CDK11A: variants seen among roughly 807,000 people sequenced by gnomAD.
The protein encoded by CDK11A is cyclin-dependent kinase 11A.
CDK11A carries 55 observed loss-of-function variants against 83.6 expected under a neutral mutation model. That is an observed-to-expected ratio of 0.66 (90% CI 0.53 to 0.82). CDK11A has a LOEUF of 0.82. Ranked by LOEUF, CDK11A falls within the 40% of genes least tolerant of loss-of-function variation. The pLI, the probability that CDK11A is intolerant of heterozygous loss-of-function variation, is 0.00. For synonymous variants in CDK11A, 247 were observed against 302.7 expected (o/e 0.82, Z 1.91); for missense variants, 564 against 810.1 (o/e 0.70, Z 3.69).
intron 3 of CDK11A, among the ~76,000 whole-genome samples, chr1:1,721,358 C>T (rs1317757193): frequency 6.6e-6 from 1 of 150,904 alleles, no homozygotes; most frequent in Non-Finnish European, 1.5e-5. Context: ...CACCCCGTCA[C>T]AGTAGCCCTA....
intron 1 of CDK11A, 95 bp downstream of exon 1, chr1:1,724,163 C>G (rs1166689673): frequency 6.6e-6 from 1 of 150,458 alleles, no homozygotes; most frequent in East Asian, 1.9e-4. Context: ...CCCCCGGGCC[C>G]GGGTCCGCCC....
intron 3 of CDK11A, among the ~76,000 whole-genome samples, chr1:1,721,194 T>A (rs1432833644): frequency 2.1e-5 from 1 of 47,960 alleles, no homozygotes; most frequent in Non-Finnish European, 9.6e-5. Context: ...TGAGACACCG[T>A]CTCAAAAAAA....
In CDK11A at chr1:1,707,515, G is replaced by A. The variant is rs538694157; in HGVS notation, c.1139C>T (p.Thr380Met). 22 of 1,603,348 alleles carry A rather than the reference G, an allele frequency of 1.4e-5. 1 individual carries two copies. The highest frequency in any genetic ancestry group is 6.7e-5 in the South Asian group (6 of 90,208). Residue 380 changes from threonine (T) to methionine (M), a missense_variant, in exon 11 of 20, where the codon ACG becomes ATG. Thr to Met is a moderately conservative substitution (Grantham distance 81, BLOSUM62 -1). Around this residue, in one of 5 missense-constraint regions of CDK11A, gnomAD observed 21 missense variants for 66.1 expected, o/e 0.32. Coordinates refer to ENST00000404249, the MANE Select transcript of CDK11A (RefSeq NM_024011.4). Reference sequence around the variant, plus strand: ...CTCTGTCAGGGCGCTGCTCTGCGGCGTTCCCTCACCCACTTCTTCCTCTGC... The same window carrying A: ...CTCTGTCAGGGCGCTGCTCTGCGGCATTCCCTCACCCACTTCTTCCTCTGC... ...EEAEEEVGEG[T>M]PQSSALTEGD...
intron 14 of CDK11A, 60 bp downstream of exon 14, chr1:1,704,490 G>T: frequency 6.4e-7 from 1 of 1,571,716 alleles, no homozygotes; most frequent in Non-Finnish European, 8.6e-7. Context: ...TGTCACCGCG[G>T]GGGTGACCAG....
chr1:1,716,008 C>T (rs1185023019), intron 5 of CDK11A, among the ~76,000 whole-genome samples: 5 of 150,832 alleles, frequency 3.3e-5, no homozygotes, highest in South Asian at 2.1e-4. Flanking sequence ...CTTACTGCAG[C>T]CTTGACCTCC....
rs1419856197 is a variant in CDK11A, at chr1:1,704,928, C to G, written c.1434G>C (p.Gln478His). The G allele has an allele frequency of 6.3e-7, 1 of 1,595,168 alleles. No homozygotes were observed. The highest frequency in any genetic ancestry group is 1.4e-5 in the African/African-American group (1 of 69,272). ...CTCTAACGGTGACAATGTTGGGATGCTGGGCCTTGAGGATGGTGTTGATCT... is the reference window on the plus strand; with the variant it reads ...CTCTAACGGTGACAATGTTGGGATGGTGGGCCTTGAGGATGGTGTTGATCT... ...LREINTILKA[Q>H]HPNIVTVREI... Residue 478 changes from glutamine to histidine, a missense_variant, in exon 13 of 20, where the codon CAG becomes CAC. Gln to His is a conservative substitution (Grantham distance 24). Transcript: ENST00000404249.
In CDK11A at chr1:1,706,276, T is replaced by G. The variant is rs1052014172; in HGVS notation, c.1246-544A>C. Among the ~76,000 whole-genome samples, 6 of 150,892 alleles carry G rather than the reference T, an allele frequency of 4.0e-5. 1 individual carries two copies. Among genetic ancestry groups the G allele is most frequent in the Admixed American group, 2.6e-4 (4 of 15,110 alleles). On this transcript the variant is annotated intron_variant, in intron 11 of 19. Transcript: ENST00000404249. ...TTAGTAGAGACAGGATTTCACCATA[T>G]TGGCCAGGCTGGTCTCGAACTCCTG...
At chr1:1,715,261 C>T (rs1644593855) in intron 5 of CDK11A, among the ~76,000 whole-genome samples, 1 of 127,428 alleles carries the variant, frequency 7.8e-6, no homozygotes, top group Non-Finnish European at 1.8e-5. Flanking sequence ...CTGGCCTTAG[C>T]CTCCCACGTA....
chr1:1,716,403 C>A lies in CDK11A; in HGVS notation c.431G>T (p.Arg144Leu). Reference sequence around the variant, plus strand: ...CCTTCTCTTCTGTCTTTCCCATTCCCGGCGAGCTTTATCCTGTTCTTCTCG... The same window carrying A: ...CCTTCTCTTCTGTCTTTCCCATTCCAGGCGAGCTTTATCCTGTTCTTCTCG... The part of the protein sequence containing the change: ...RHREEQDKAR[R>L]EWERQKRREM... Residue 144 changes from arginine to leucine, a missense_variant, in exon 5 of 20, where the codon CGG becomes CTG. Arg to Leu is a moderately radical substitution (Grantham distance 102). Around this residue, in one of 5 missense-constraint regions of CDK11A, gnomAD observed 151 missense variants for 147.4 expected, o/e 1.02. Transcript: ENST00000404249. 3 of 1,608,896 alleles carry A rather than the reference C, an allele frequency of 1.9e-6. 1 individual carries two copies. In the South Asian group the frequency reaches 3.3e-5, roughly 18 times the overall value.
At chr1:1,722,860 A>G in intron 1 of CDK11A, 29 bp from the exon 2 acceptor site, 1 of 957,820 alleles carries the variant, frequency 1.0e-6, no homozygotes, top group East Asian at 3.0e-5. Context: ...TTCAGCCTAC[A>G]TCAGGACACA....
At chr1:1,706,534 G>C (rs933475669) in intron 11 of CDK11A, among the ~76,000 whole-genome samples, 1 of 151,312 alleles carries the variant, frequency 6.6e-6, no homozygotes, top group Non-Finnish European at 1.5e-5. Flanking sequence ...GGATGACAGA[G>C]ACAGACCCAG....
chr1:1,716,708 G>A (rs1644665544), intron 4 of CDK11A, among the ~76,000 whole-genome samples: 1 of 148,628 alleles, frequency 6.7e-6, no homozygotes, highest in Non-Finnish European at 1.5e-5. Context: ...CAGGTACTAA[G>A]GGAGGCTGAG....
At chr1:1,719,638 C>CGCTCTGTCACCCAGGCT (rs1644827130) in intron 3 of CDK11A, among the ~76,000 whole-genome samples, 183 bp from the exon 4 acceptor site, 1 of 137,300 alleles carries the variant, frequency 7.3e-6, no homozygotes, top group Non-Finnish European at 1.6e-5. Context: ...TTTTTTTAGA[C>CGCTCTGTCACCCAGGCT]GGAGTCTCGC....
In CDK11A at chr1:1,719,360, T is replaced by G; in HGVS notation, c.323A>C (p.Lys108Thr). Residue 108 changes from lysine (K) to threonine (T), a missense_variant, in exon 4 of 20, where the codon AAA (lysine) becomes ACA (threonine). By Grantham distance (78) the Lys-to-Thr change is moderately conservative. This residue lies in a region of CDK11A where 151 missense variants were observed against 147.4 expected (regional missense o/e 1.02). Coordinates refer to ENST00000404249, the MANE Select transcript of CDK11A (RefSeq NM_024011.4). ...TGCTGAATGGCTATGATGCCTACAT[T>G]TTTCTTTTCTCTTTTCATCTTTTCT... ...HHRKDEKRKEKCRHHSHSAEG... is the reference protein window; with the variant it reads ...HHRKDEKRKETCRHHSHSAEG... 22 of 1,534,938 alleles carry G rather than the reference T, an allele frequency of 1.4e-5. 1 individual carries two copies. Among genetic ancestry groups the G allele is most frequent in the Non-Finnish European group, 1.8e-5 (21 of 1,145,084 alleles).
intron 5 of CDK11A, 70 bp downstream of exon 5, chr1:1,716,276 C>T: frequency 5.9e-6 from 9 of 1,536,368 alleles, no homozygotes; most frequent in Non-Finnish European, 8.0e-6. Flanking sequence ...CCAAATTCTT[C>T]TTCATTGCTG....
chr1:1,702,610 C>T lies in CDK11A; in HGVS notation c.*297G>A. 2.3e-6 allele frequency: 1 copy of T among 433,854 alleles called. No homozygotes were observed. Among genetic ancestry groups the T allele is most frequent in the Non-Finnish European group, 4.3e-6 (1 of 231,198 alleles). 26.9% of individuals were successfully genotyped at this position (433,854 alleles called of 1,614,324 possible). ...CCACCCGGCTCCCACCAGTTCCTTT[C>T]CAAATCACGGCCCAGCCAGCCCCGT... On this transcript the variant is annotated 3_prime_UTR_variant, in exon 20 of 20. Coordinates refer to ENST00000404249, the MANE Select transcript of CDK11A (RefSeq NM_024011.4).
chr1:1,706,723 T>G (rs777595169), intron 11 of CDK11A, among the ~76,000 whole-genome samples: 51 of 151,080 alleles, frequency 3.4e-4, no homozygotes, highest in East Asian at 1.8e-3. Context: ...TCACGTACTC[T>G]GGGTGGCCTG....
chr1:1,704,176 G>C, intron 15 of CDK11A, 30 bp from the exon 16 acceptor site: 3 of 1,607,782 alleles, frequency 1.9e-6, no homozygotes, highest in Non-Finnish European at 2.5e-6. Flanking sequence ...GCTGTGGGTG[G>C]GCCTGGGCGG....
Position 1,704,542 on chromosome 1 carries a change from G to A in CDK11A, c.1564+8C>T, listed in dbSNP as rs542004679. On this transcript the variant is annotated splice_region_variant and intron_variant, in intron 14 of 19. Transcript: ENST00000404249. ...GTACGCAGACAGGACCCCGGGGCGCGGCTGTACCTGGCAGGAAGGGCTGTT... is the reference window on the plus strand; with the variant it reads ...GTACGCAGACAGGACCCCGGGGCGCAGCTGTACCTGGCAGGAAGGGCTGTT... 9.4e-6 allele frequency: 15 copies of A among 1,604,150 alleles called. 2 individuals carry two copies. The highest frequency in any genetic ancestry group is 8.9e-5 in the South Asian group (8 of 89,860).
Sources: allele counts gnomAD v4.1 joint callset (sites outside exome capture counted in the v4.1 genomes callset), GRCh38; gene constraint gnomAD v4.1.1; regional missense constraint gnomAD v4.1.1; transcripts MANE v1.5; gene names NCBI Gene and HGNC (gene_info 2026-07-23, HGNC 2026-07-21).